Variants in TAF3 observed in about 807,000 individuals in gnomAD.
TAF3 encodes the protein transcription initiation factor TFIID subunit 3.
Under a neutral mutation model 80.6 loss-of-function variants are expected in TAF3, and 7 were observed. The observed-to-expected ratio is 0.09, with a 90% CI of 0.05 to 0.16. The LOEUF is 0.16. Ranked by LOEUF, TAF3 falls within the 10% of genes least tolerant of loss-of-function variation. The probability of loss-of-function intolerance (pLI) is 1.00; values close to 1 mark genes in which losing one functional copy is unlikely to be tolerated. For synonymous variants in TAF3, 444 were observed against 446.1 expected (o/e 1.00, Z 0.06); for missense variants, 921 against 1,140.2 (o/e 0.81, Z 2.77).
intron 2 of TAF3, among the ~76,000 whole-genome samples, chr10:7,834,780 A>ATAC (rs1373297156): frequency 6.6e-6 from 1 of 152,186 alleles, no homozygotes; most frequent in Non-Finnish European, 1.5e-5. Context: ...ATTGCAACTG[A>ATAC]TACTATCATT....
intron 4 of TAF3, among the ~76,000 whole-genome samples, chr10:7,978,177 G>A (rs1003719419): frequency 6.6e-6 from 1 of 152,108 alleles, no homozygotes; most frequent in Non-Finnish European, 1.5e-5. Flanking sequence ...ATCAAATATT[G>A]TGTTGAAAAT....
chr10:7,904,586 A>G (rs555223217), intron 2 of TAF3, among the ~76,000 whole-genome samples: 2 of 152,320 alleles, frequency 1.3e-5, no homozygotes, highest in Admixed American at 6.5e-5. Flanking sequence ...AGGAAGGAAT[A>G]AATAAAGGAA....
intron 2 of TAF3, among the ~76,000 whole-genome samples, chr10:7,856,879 AAGC>A (rs1432124924): frequency 1.4e-5 from 2 of 145,898 alleles, no homozygotes; most frequent in Admixed American, 6.9e-5. Flanking sequence ...AAAAAAAAAA[AAGC>A]AGAAAGAATG....
intron 2 of TAF3, among the ~76,000 whole-genome samples, chr10:7,852,025 C>T (rs1837031885): frequency 6.6e-6 from 1 of 151,900 alleles, no homozygotes; most frequent in South Asian, 2.1e-4. Flanking sequence ...CTCAAACGAT[C>T]CTTCCACCTC....
chr10:7,826,009 C>A (rs1021433667), intron 2 of TAF3, among the ~76,000 whole-genome samples: 1 of 152,208 alleles, frequency 6.6e-6, no homozygotes, highest in African/African-American at 2.4e-5. Context: ...TTCTTAGAAT[C>A]GGTTCTACTT....
intron 2 of TAF3, among the ~76,000 whole-genome samples, chr10:7,929,757 G>A (rs113820359): frequency 0.011 from 1,673 of 152,220 alleles, 20 homozygotes; most frequent in Middle Eastern, 0.031. Context: ...AGAATATGGA[G>A]TACTCTTTCT....
chr10:7,849,675 CT>C (rs536706388), intron 2 of TAF3, among the ~76,000 whole-genome samples: 205 of 145,074 alleles, frequency 1.4e-3, no homozygotes, highest in African/African-American at 3.2e-3. Context: ...TTCATGCGAA[CT>C]TTTTTTTTTT....
rs78323520 is a variant in TAF3, at chr10:7,825,670, C to T, written c.409+1110C>T. Among the ~76,000 whole-genome samples, 56 of 152,218 alleles carry T rather than the reference C, an allele frequency of 3.7e-4. No homozygotes were observed. The East Asian group carries it at 0.01, about 27-fold the overall frequency. On this transcript the variant is annotated intron_variant, in intron 2 of 6. Transcript: ENST00000344293. The stretch of plus-strand genomic sequence containing the variant: ...CATGTTGTAGCCTGTGTCGGGATTT[C>T]GTTGTGTGTTTCGTTGTGTGTTTAA...
At chr10:7,866,288 C>T (rs943733361) in intron 2 of TAF3, among the ~76,000 whole-genome samples, 3 of 152,118 alleles carry the variant, frequency 2.0e-5, no homozygotes, top group Non-Finnish European at 4.4e-5. Context: ...CCATGGTGCT[C>T]GCATTCTCAT....
At chr10:7,833,850 G>T in intron 2 of TAF3, 1 of 807,702 alleles carries the variant, frequency 1.2e-6, no homozygotes, top group Non-Finnish European at 1.7e-6. Flanking sequence ...CCTGGGGACC[G>T]AGGGCTTCCT....
chr10:7,855,941 CA>C (rs545611522), intron 2 of TAF3, among the ~76,000 whole-genome samples: 153 of 137,696 alleles, frequency 1.1e-3, no homozygotes, highest in Middle Eastern at 7.4e-3. Context: ...AAAAAAAAGA[CA>C]AAAAAAAAAT....
intron 2 of TAF3, among the ~76,000 whole-genome samples, chr10:7,936,625 C>A (rs987379734): frequency 6.6e-6 from 1 of 152,072 alleles, no homozygotes; most frequent in Non-Finnish European, 1.5e-5. Flanking sequence ...CCCCCACTAT[C>A]AACATCCCCC....
At chr10:7,933,488 G>T (rs1837888497) in intron 2 of TAF3, among the ~76,000 whole-genome samples, 1 of 152,186 alleles carries the variant, frequency 6.6e-6, no homozygotes, top group Non-Finnish European at 1.5e-5. Flanking sequence ...GTGACTGAAG[G>T]TGACTGTTTC....
chr10:7,828,509 C>A (rs960017461), intron 2 of TAF3, among the ~76,000 whole-genome samples: 8 of 151,984 alleles, frequency 5.3e-5, no homozygotes, highest in Non-Finnish European at 1.2e-4. Context: ...TGGCTGGTAC[C>A]CAGTGTGTTT....
In TAF3 at chr10:7,824,343, T is replaced by C. The variant is rs763325553; in HGVS notation, c.192T>C (p.Asp64=). Residue 64 remains aspartate (D), a synonymous_variant, in exon 2 of 7, where the codon GAT becomes GAC. Coordinates refer to ENST00000344293, the MANE Select transcript of TAF3 (RefSeq NM_031923.4). ...ATGGCCGAACAGACCCAATTTTGGA[T>C]GATGTTGGTGAAGCTTTCCAGCTGA... ...ELYGRTDPIL[D]DVGEAFQLMG... is the part of the protein sequence containing the mutation. 1.2e-6 allele frequency: 2 copies of C among 1,613,858 alleles called. No homozygotes were observed. The highest frequency in any genetic ancestry group is 2.2e-5 in the South Asian group (2 of 91,074).
At chr10:7,941,745 G>T (rs772163945) in intron 2 of TAF3, among the ~76,000 whole-genome samples, 2 of 152,152 alleles carry the variant, frequency 1.3e-5, no homozygotes, top group Non-Finnish European at 2.9e-5. Flanking sequence ...GAACTGGGTG[G>T]CAGTGTTGAG....
Position 7,964,269 on chromosome 10 carries a change from A to C in TAF3, c.759A>C (p.Ala253=), listed in dbSNP as rs1169182656. 6.2e-7 allele frequency: 1 copy of C among 1,614,218 alleles called. No individual in the cohort carries two copies. The highest frequency in any genetic ancestry group is 1.1e-5 in the South Asian group (1 of 91,084). ...AGCCGCCAATGTTGGCTCCAGTTGC[A>C]AAATCACAAATGCCAACTGCAAAAC... The part of the protein sequence containing the change: ...SPEPPMLAPV[A]KSQMPTAKPL... Residue 253 remains alanine (A), a synonymous_variant, in exon 3 of 7, where the codon GCA becomes GCC. Transcript: ENST00000344293. The surrounding 1 kb of genome is among the most constrained non-coding windows in gnomAD (Gnocchi z 4.1).
chr10:7,973,411 G>A (rs1293843530), intron 3 of TAF3, among the ~76,000 whole-genome samples: 5 of 152,186 alleles, frequency 3.3e-5, no homozygotes, highest in Non-Finnish European at 7.4e-5. Flanking sequence ...TGATGACTGT[G>A]TAACCCTAAA....
chr10:7,977,312 C>T lies in TAF3; in HGVS notation c.2304C>T (p.Gly768=). ...GATTAACTCTCCGAGTCGGTGCTGG[C>T]CAAGACAAGATGTAAGTATAAACGT... ...IPRLTLRVGA[G]QDKIVISKVV... Residue 768 remains glycine (G), a synonymous_variant, in exon 4 of 7, where the codon GGC becomes GGT. Coordinates refer to ENST00000344293, the MANE Select transcript of TAF3 (RefSeq NM_031923.4). 6.2e-7 allele frequency: 1 copy of T among 1,614,048 alleles called. No homozygotes were observed. The highest frequency in any genetic ancestry group is 8.5e-7 in the Non-Finnish European group (1 of 1,179,992).
Sources: gnomAD v4.1 joint callset for allele counts (sites outside exome capture counted in the v4.1 genomes callset) on GRCh38, gnomAD v4.1.1 for gene constraint, Gnocchi (gnomAD v3.1) non-coding constraint, MANE v1.5 for transcripts, NCBI Gene and HGNC (gene_info 2026-07-23, HGNC 2026-07-21) for gene names.